The following C6 variants were observed in gnomAD, a reference collection of about 807,000 sequenced individuals.
C6 encodes the protein complement C6.
A neutral mutation model predicts 112.9 loss-of-function variants in C6; 101 were observed. The ratio of observed to expected loss-of-function variants is 0.89; its 90% confidence interval spans 0.76 to 1.06. The LOEUF is 1.06. Among genes scored for constraint, C6 ranks in the 50% least tolerant of loss-of-function variants. C6 has a pLI of 0.00. For missense variants in C6, 1,202 were observed against 1,104.6 expected (o/e 1.09, Z -1.25); for synonymous variants, 431 against 384.1 (o/e 1.12, Z -1.43).
chr5:41,231,518 C>T lies in C6; in HGVS notation c.-20-28268G>A, dbSNP rs762631364. Among the ~76,000 whole-genome samples, 8 of 152,192 alleles carry T rather than the reference C, an allele frequency of 5.3e-5. No homozygotes were observed. In the South Asian group the frequency reaches 6.2e-4, roughly 12 times the overall value. On this transcript the variant is annotated intron_variant, in intron 1 of 17. Coordinates refer to the C6 transcript ENST00000263413. The stretch of plus-strand genomic sequence containing the variant: ...ACTACACTTTTGCTTCTTCCATTAT[C>T]GTGTAATCATAATACATGTAATATC...
chr5:41,202,812 G>T (rs977707692), intron 2 of C6, among the ~76,000 whole-genome samples: 1 of 152,116 alleles, frequency 6.6e-6, no homozygotes. Context: ...ATTGAAAAAA[G>T]CTTGGGTAGT....
intron 3 of C6, among the ~76,000 whole-genome samples, chr5:41,201,313 G>C (rs1751015429): frequency 6.6e-6 from 1 of 152,010 alleles, no homozygotes; most frequent in Non-Finnish European, 1.5e-5. Context: ...TTCAGAACTG[G>C]GTAAGTACAA....
rs116777168 is a variant in C6 at position 41,169,757 on chromosome 5, G to A, written c.1291+2468C>T. Among the ~76,000 whole-genome samples the A allele has an allele frequency of 8.0e-3, 1,220 of 152,164 alleles. 13 individuals carry two copies. Among genetic ancestry groups the A allele is most frequent in the African/African-American group, 0.027 (1,109 of 41,518 alleles). On this transcript the variant is annotated intron_variant, in intron 9 of 17. Coordinates refer to ENST00000337836, the MANE Select transcript of C6 (RefSeq NM_000065.5). ...AGATCTCATAAGAACTCACTATCAC[G>A]AGAACAGCAGGGAGGAATTCTGCCC...
intron 1 of C6, among the ~76,000 whole-genome samples, chr5:41,226,617 C>T (rs994633616): frequency 2.0e-5 from 3 of 152,136 alleles, no homozygotes; most frequent in African/African-American, 7.2e-5. Flanking sequence ...CTATCACCTC[C>T]CTCCTGCGGC....
intron 9 of C6, among the ~76,000 whole-genome samples, chr5:41,165,228 GAAC>G (rs1747878512): frequency 6.6e-6 from 1 of 152,062 alleles, no homozygotes; most frequent in Admixed American, 6.6e-5. Flanking sequence ...TCCAATAAAT[GAAC>G]AATGTGGCTT....
chr5:41,201,018 T>C (rs1437455151), intron 3 of C6, among the ~76,000 whole-genome samples: 9 of 151,594 alleles, frequency 5.9e-5, no homozygotes, highest in Non-Finnish European at 1.3e-4. Context: ...TGGAGTATTG[T>C]ATATGTAAAT....
chr5:41,196,737 G>C (rs939000215), intron 4 of C6, among the ~76,000 whole-genome samples: 14 of 151,744 alleles, frequency 9.2e-5, no homozygotes, highest in African/African-American at 3.4e-4. Flanking sequence ...TTTTGGACAA[G>C]TTAAGTGTCT....
At chr5:41,208,272 A>G (rs568535852) in intron 1 of C6, among the ~76,000 whole-genome samples, 1 of 152,382 alleles carries the variant, frequency 6.6e-6, no homozygotes, top group East Asian at 1.9e-4. Context: ...AAAGCAGGAA[A>G]GATCCAAAAT....
intron 1 of C6, among the ~76,000 whole-genome samples, chr5:41,226,230 T>C (rs970419261): frequency 1.3e-5 from 2 of 152,114 alleles, no homozygotes; most frequent in African/African-American, 4.8e-5. Context: ...AACCAGAATC[T>C]ACAATGAACT....
intron 5 of C6, 101 bp from the exon 6 acceptor site, chr5:41,186,309 T>A: frequency 7.6e-7 from 1 of 1,313,338 alleles, no homozygotes; most frequent in Non-Finnish European, 1.1e-6. Flanking sequence ...CCTTTTTGCC[T>A]CAAGACAAAT....
intron 13 of C6, among the ~76,000 whole-genome samples, chr5:41,157,149 G>C (rs930088147): frequency 5.9e-5 from 9 of 152,090 alleles, no homozygotes; most frequent in African/African-American, 2.2e-4. Context: ...AAAAACTATT[G>C]CCAGACAGAG....
chr5:41,236,810 CA>C (rs1476145096), intron 1 of C6, among the ~76,000 whole-genome samples: 1 of 129,248 alleles, frequency 7.7e-6, no homozygotes, highest in Non-Finnish European at 1.6e-5. Context: ...AAAGGATCAA[CA>C]AAATTGATAG....
chr5:41,155,198 T>A, intron 13 of C6, 94 bp from the exon 14 acceptor site: 5 of 1,205,408 alleles, frequency 4.1e-6, no homozygotes, highest in Non-Finnish European at 6.0e-6. Flanking sequence ...CCTTCACTTC[T>A]GGATCTACTC....
rs377756062 is a variant in C6, at chr5:41,152,281, G to A, written c.2290+1529C>T. 7.2e-5 allele frequency among the ~76,000 whole-genome samples: 11 copies of A among 152,028 alleles called. No individual in the cohort carries two copies. In the East Asian group the frequency reaches 2.1e-3, roughly 30 times the overall value. ...GAATAGCATGTCGGTGAGGGAGGGG[G>A]ATGAAAATAGAGGGAGTGACACTGG... On this transcript the variant is annotated intron_variant, in intron 15 of 17. Transcript: ENST00000337836.
chr5:41,253,303 G>A (rs72755918), intron 1 of C6, among the ~76,000 whole-genome samples: 1 of 152,208 alleles, frequency 6.6e-6, no homozygotes, highest in Non-Finnish European at 1.5e-5. Context: ...TGGGCCTCAG[G>A]TGGTTTCCTC....
chr5:41,231,034 G>A (rs1402819072), intron 1 of C6, among the ~76,000 whole-genome samples: 1 of 151,894 alleles, frequency 6.6e-6, no homozygotes. Flanking sequence ...TTTACTATTT[G>A]CATGGAGTAT....
chr5:41,235,077 G>GTTT (rs11437301), intron 1 of C6, among the ~76,000 whole-genome samples: 20 of 132,766 alleles, frequency 1.5e-4, no homozygotes, highest in African/African-American at 4.2e-4. Flanking sequence ...TTTTTTTAAT[G>GTTT]TTTTTTTTTT....
intron 1 of C6, among the ~76,000 whole-genome samples, chr5:41,227,416 C>T (rs1482544720): frequency 6.6e-6 from 1 of 151,986 alleles, no homozygotes; most frequent in Non-Finnish European, 1.5e-5. Context: ...TCTGTTCACT[C>T]TATTGATTGT....
intron 1 of C6, among the ~76,000 whole-genome samples, chr5:41,246,998 A>G: frequency 6.6e-6 from 1 of 152,188 alleles, no homozygotes; most frequent in East Asian, 1.9e-4. Context: ...TATTAATAAT[A>G]AAAATTTTGG....
Sources: allele counts gnomAD v4.1 joint callset (sites outside exome capture counted in the v4.1 genomes callset), GRCh38; gene constraint gnomAD v4.1.1; transcripts MANE v1.5; gene names NCBI Gene and HGNC (gene_info 2026-07-23, HGNC 2026-07-21).